The following CGNL1 variants were observed in gnomAD, a reference collection of about 807,000 sequenced individuals.
The protein encoded by CGNL1 is cingulin-like protein 1.
CGNL1 carries 132 observed loss-of-function variants against 141.2 expected under a neutral mutation model. The ratio of observed to expected loss-of-function variants is 0.93; its 90% CI spans 0.81 to 1.08. CGNL1 has a LOEUF of 1.08. Ranked by LOEUF, CGNL1 falls within the 50% of genes least tolerant of loss-of-function variation. The probability of loss-of-function intolerance (pLI) is 0.00; values close to 1 mark genes in which losing one functional copy is unlikely to be tolerated. For synonymous variants in CGNL1, 690 were observed against 622.1 expected (o/e 1.11, Z -1.63); for missense variants, 1,870 against 1,588.6 (o/e 1.18, Z -3.01).
chr15:57,437,990 A>G lies in CGNL1; in HGVS notation c.-10A>G, dbSNP rs775685005. On this transcript the variant is annotated 5_prime_UTR_variant, in exon 2 of 19. Transcript: ENST00000281282. ...ACCCCATCTCTCCCTGGTAGCTGGA[A>G]CAGTGAACCATGGAGCTGTATTTCG... The G allele has an allele frequency of 8.7e-6, 14 of 1,606,088 alleles. No homozygotes were observed. The highest frequency in any genetic ancestry group is 7.7e-5 in the South Asian group (7 of 90,716).
intron 8 of CGNL1, among the ~76,000 whole-genome samples, chr15:57,513,166 C>G (rs2030466481): frequency 1.3e-5 from 2 of 152,030 alleles, no homozygotes; most frequent in Admixed American, 6.6e-5. Context: ...CTCCCTGTAC[C>G]TCCCTGTAGC....
At chr15:57,426,908 G>T (rs1276871587) in intron 1 of CGNL1, among the ~76,000 whole-genome samples, 1 of 152,106 alleles carries the variant, frequency 6.6e-6, no homozygotes, top group East Asian at 1.9e-4. Context: ...TGATGCCAGG[G>T]AGCCTGGGGC....
rs750240044 is a variant in CGNL1, at chr15:57,516,935, G to A, written c.2559G>A (p.Glu853=). ...RRVAQLQRQI[E]DLKGDEAKAK... is the part of the protein sequence containing the mutation. ...TTGCTCAGCTTCAAAGGCAGATCGA[G>A]GACCTGAAAGGCGATGAAGCCAAGG... The change falls in exon 9 of 19, where the codon GAG becomes GAA. Residue 853 remains glutamate, a synonymous_variant. Transcript: ENST00000281282. 5.6e-6 allele frequency: 9 copies of A among 1,613,598 alleles called. No individual in the cohort carries two copies. The highest frequency in any genetic ancestry group is 7.6e-6 in the Non-Finnish European group (9 of 1,180,020).
chr15:57,466,394 C>T (rs568962011), intron 8 of CGNL1, among the ~76,000 whole-genome samples: 1 of 152,252 alleles, frequency 6.6e-6, no homozygotes, highest in African/African-American at 2.4e-5. Context: ...TTTTCCAAAC[C>T]TAACCCTTCC....
intron 1 of CGNL1, chr15:57,402,806 A>G (rs2062674677): frequency 1.3e-5 from 2 of 152,276 alleles, no homozygotes; most frequent in Admixed American, 1.3e-4. Flanking sequence ...TCTGCTTTAG[A>G]TTAAGTTATT....
At chr15:57,454,668 A>G (rs1022712297) in intron 7 of CGNL1, among the ~76,000 whole-genome samples, 7 of 152,232 alleles carry the variant, frequency 4.6e-5, no homozygotes, top group African/African-American at 1.7e-4. Flanking sequence ...TTCTCCATAT[A>G]TGACCATCTC....
intron 8 of CGNL1, among the ~76,000 whole-genome samples, chr15:57,497,736 C>T (rs2063961150): frequency 6.6e-6 from 1 of 152,234 alleles, no homozygotes; most frequent in East Asian, 1.9e-4. Flanking sequence ...GGCTTCAGCT[C>T]AGGCCACAGG....
chr15:57,479,355 A>G (rs979654722), intron 8 of CGNL1, among the ~76,000 whole-genome samples: 6 of 152,118 alleles, frequency 3.9e-5, no homozygotes, highest in Non-Finnish European at 5.9e-5. Context: ...AGCAATAGAA[A>G]CAATCAGCAT....
intron 8 of CGNL1, among the ~76,000 whole-genome samples, chr15:57,476,250 T>A (rs1595745195): frequency 6.6e-6 from 1 of 151,880 alleles, no homozygotes; most frequent in Non-Finnish European, 1.5e-5. Flanking sequence ...GAGGCTTGGG[T>A]GAGTCTTGGG....
At chr15:57,436,168 T>C (rs913131090) in intron 1 of CGNL1, among the ~76,000 whole-genome samples, 1 of 152,170 alleles carries the variant, frequency 6.6e-6, no homozygotes, top group Admixed American at 6.5e-5. Context: ...TAAAGTCCAT[T>C]CTCCTCTCTC....
chr15:57,541,950 C>T (rs1179331075), intron 14 of CGNL1, among the ~76,000 whole-genome samples: 2 of 152,198 alleles, frequency 1.3e-5, no homozygotes, highest in Non-Finnish European at 2.9e-5. Context: ...GTGTTGGAGG[C>T]CTTTGTGTCC....
At chr15:57,383,735 T>A (rs1215146699) in intron 1 of CGNL1, among the ~76,000 whole-genome samples, 2 of 151,824 alleles carry the variant, frequency 1.3e-5, no homozygotes, top group African/African-American at 4.8e-5. Flanking sequence ...CTCAAGTGAT[T>A]CTCCCACCTC....
chr15:57,545,717 T>G lies in CGNL1; in HGVS notation c.3609+17T>G. ...AAGGACCAGGTGGGGAGCCTCTGCG[T>G]GCATTTGCTCTTAGATGAGATTGCG... On this transcript the variant is annotated intron_variant, in intron 17 of 18. Coordinates refer to ENST00000281282, the MANE Select transcript of CGNL1 (RefSeq NM_032866.5). 6.3e-7 allele frequency: 1 copy of G among 1,592,028 alleles called. No individual in the cohort carries two copies. Among genetic ancestry groups the G allele is most frequent in the Non-Finnish European group, 8.6e-7 (1 of 1,163,808 alleles).
At chr15:57,452,684 G>A (rs12438229) in intron 6 of CGNL1, among the ~76,000 whole-genome samples, 12,200 of 139,642 alleles carry the variant, frequency 0.087, 576 homozygotes, top group East Asian at 0.18. Flanking sequence ...TTTTATCCTC[G>A]ATGGTGCTGG....
chr15:57,528,077 T>G (rs929438320), intron 12 of CGNL1, among the ~76,000 whole-genome samples: 2 of 152,144 alleles, frequency 1.3e-5, no homozygotes, highest in East Asian at 3.9e-4. Flanking sequence ...GCCACCATGG[T>G]GAAGCTCCAT....
chr15:57,499,958 T>C (rs1438115031), intron 8 of CGNL1, among the ~76,000 whole-genome samples: 1 of 152,170 alleles, frequency 6.6e-6, no homozygotes, highest in Non-Finnish European at 1.5e-5. Flanking sequence ...GGAGTCGTTC[T>C]GGGCTCTGAG....
intron 8 of CGNL1, among the ~76,000 whole-genome samples, chr15:57,473,931 A>T (rs1373931862): frequency 9.7e-6 from 1 of 102,892 alleles, no homozygotes; most frequent in Non-Finnish European, 1.8e-5. Context: ...TTTTTCTGAG[A>T]CAGAGTCTCA....
chr15:57,450,412 G>A (rs1301928602), intron 4 of CGNL1, among the ~76,000 whole-genome samples: 1 of 152,154 alleles, frequency 6.6e-6, no homozygotes, highest in Non-Finnish European at 1.5e-5. Context: ...GAGTAGCTGG[G>A]ACTACAGACG....
chr15:57,397,283 T>C (rs2062613269), intron 1 of CGNL1, among the ~76,000 whole-genome samples: 1 of 152,204 alleles, frequency 6.6e-6, no homozygotes, highest in African/African-American at 2.4e-5. Flanking sequence ...AGAGCCAATG[T>C]TGCTATGAAG....
Sources: gnomAD v4.1 joint callset for allele counts (sites outside exome capture counted in the v4.1 genomes callset) on GRCh38, gnomAD v4.1.1 for gene constraint, MANE v1.5 for transcripts, NCBI Gene and HGNC (gene_info 2026-07-23, HGNC 2026-07-21) for gene names.